Variants in FAM153A observed in about 807,000 individuals in gnomAD.
The protein encoded by FAM153A is family with sequence similarity 153 member A.
Under a neutral mutation model 48.1 loss-of-function variants are expected in FAM153A, and 12 were observed. That is an observed-to-expected ratio of 0.25 (90% CI 0.16 to 0.40). The LOEUF is 0.40. Among genes scored for constraint, FAM153A ranks in the 10% least tolerant of loss-of-function variants. The pLI, the probability that FAM153A is intolerant of heterozygous loss-of-function variation, is 1.00. For synonymous variants in FAM153A, 36 were observed against 118.2 expected, an observed-to-expected ratio of 0.30 and a Z score of 4.51; for missense variants, 111 against 345.8, an observed-to-expected ratio of 0.32 and a Z score of 5.38.
intron 25 of FAM153A, among the ~76,000 whole-genome samples, chr5:177,715,129 T>C (rs1364012614): frequency 6.7e-6 from 1 of 149,508 alleles, no homozygotes; most frequent in East Asian, 2.0e-4. Flanking sequence ...ACCTTCAAAG[T>C]CCACATAGAA....
chr5:177,761,378 C>T (rs1354297945), intron 1 of FAM153A, among the ~76,000 whole-genome samples: 1 of 151,838 alleles, frequency 6.6e-6, no homozygotes, highest in Non-Finnish European at 1.5e-5. Context: ...CTGTGAATGA[C>T]CTTGTGAGGG....
At chr5:177,757,686 T>C (rs1346288928), upstream of FAM153A, among the ~76,000 whole-genome samples, 6 of 151,568 alleles carry the variant, frequency 4.0e-5, no homozygotes, top group Middle Eastern at 3.4e-3. Context: ...CGCAAATCAA[T>C]AAACGTAATC....
upstream of FAM153A, among the ~76,000 whole-genome samples, chr5:177,755,211 G>A (rs571450620): frequency 9.2e-5 from 14 of 151,968 alleles, no homozygotes; most frequent in South Asian, 1.5e-3. Flanking sequence ...TAGTCGATTC[G>A]ATCAACTAGA....
upstream of FAM153A, among the ~76,000 whole-genome samples, chr5:177,757,357 T>TCCAGGA (rs1383227515): frequency 9.4e-6 from 1 of 105,974 alleles, no homozygotes; most frequent in East Asian, 2.5e-4. Flanking sequence ...CCAAAAAAAG[T>TCCAGGA]CCAGGACCAG....
At chr5:177,756,833 A>G (rs1157031557), upstream of FAM153A, among the ~76,000 whole-genome samples, 10 of 133,000 alleles carry the variant, frequency 7.5e-5, no homozygotes, top group Non-Finnish European at 1.5e-4. Flanking sequence ...ACACATTTAA[A>G]GCAGTGTGTT....
At position 177,746,861 on chromosome 5, in the gene FAM153A, G is replaced by T. The variant is rs535555331; in HGVS notation, c.259+908C>A. 4.3e-4 allele frequency among the ~76,000 whole-genome samples: 64 copies of T among 150,488 alleles called. 1 individual carries two copies. Among genetic ancestry groups the T allele is most frequent in the African/African-American group, 1.6e-3 (63 of 40,602 alleles). On this transcript the variant is annotated intron_variant, in intron 4 of 20. Transcript: ENST00000614127. ...TGGGTGCTGTGTCTTGGGTATGTGT[G>T]CTACTGAATTGGAGCATTTCTAACG... is the stretch of plus-strand genomic sequence containing the variant.
At chr5:177,717,099 T>C (rs1179131918) in intron 24 of FAM153A, 1 of 148,638 alleles carries the variant, frequency 6.7e-6, no homozygotes, top group Non-Finnish European at 1.5e-5. Flanking sequence ...CCAAAGAAAT[T>C]ATATTTTAAA....
chr5:177,737,918 G>A (rs1327256219), intron 10 of FAM153A, among the ~76,000 whole-genome samples: 1 of 151,668 alleles, frequency 6.6e-6, no homozygotes, highest in African/African-American at 2.4e-5. Flanking sequence ...TTTTAAAGAA[G>A]ACTAAACCAA....
At chr5:177,761,706 C>G (rs1367996101) in intron 1 of FAM153A, among the ~76,000 whole-genome samples, 1 of 102,472 alleles carries the variant, frequency 9.8e-6, no homozygotes, top group Non-Finnish European at 2.0e-5. Flanking sequence ...TCGCGTACTT[C>G]ATCAAAACCA....
At chr5:177,754,559 C>T (rs1387486412), upstream of FAM153A, among the ~76,000 whole-genome samples, 6 of 151,908 alleles carry the variant, frequency 3.9e-5, no homozygotes, top group African/African-American at 1.5e-4. Context: ...CCCTGACCCC[C>T]AAGTAGCCTA....
At chr5:177,771,695 A>G (rs1230068350) in intron 1 of FAM153A, among the ~76,000 whole-genome samples, 1 of 96,748 alleles carries the variant, frequency 1.0e-5, no homozygotes. Context: ...TGTTTATAGA[A>G]ACAATGCGGT....
In FAM153A at chr5:177,728,561, TTTTG is replaced by T. The variant is rs1350937998; in HGVS notation, c.964+458_964+461del. Among the ~76,000 whole-genome samples, 31 of 145,796 alleles carry T rather than the reference TTTTG, an allele frequency of 2.1e-4. 2 individuals carry two copies. The highest frequency in any genetic ancestry group is 8.1e-4 in the African/African-American group (31 of 38,208). On this transcript the variant is annotated intron_variant, in intron 18 of 20. Coordinates refer to ENST00000614127, the Ensembl canonical transcript of FAM153A. ...TCTTAGTTTGTTGGGGTGTTTTTTT[TTTTG>T]TTTGTTTTTGTTTTTTTTTTTGAGA...
At chr5:177,701,054 C>T in the FAM153A span, among the ~76,000 whole-genome samples, 36 of 151,734 alleles carry the variant, frequency 2.4e-4, no homozygotes, top group South Asian at 2.3e-3. Context: ...GTGGTGGTCT[C>T]GTGATAGTGA....
At chr5:177,699,921 C>T in the FAM153A span, among the ~76,000 whole-genome samples, 1 of 151,516 alleles carries the variant, frequency 6.6e-6, no homozygotes, top group Non-Finnish European at 1.5e-5. Context: ...AAACTACCAA[C>T]CAATATCTCC....
At chr5:177,708,615 C>T (rs1298792207), downstream of FAM153A, among the ~76,000 whole-genome samples, 2 of 151,960 alleles carry the variant, frequency 1.3e-5, no homozygotes, top group Non-Finnish European at 2.9e-5. Context: ...TCACATATGA[C>T]AGGCATTACC....
chr5:177,716,963 T>TTGTGTGTGTG (rs1561866290), intron 24 of FAM153A, among the ~76,000 whole-genome samples: 10 of 56,388 alleles, frequency 1.8e-4, no homozygotes, highest in African/African-American at 5.2e-4. Context: ...CATTCCCGCT[T>TTGTGTGTGTG]AGTGTGTGTG....
At chr5:177,696,697 T>A in the FAM153A span, among the ~76,000 whole-genome samples, 1 of 151,188 alleles carries the variant, frequency 6.6e-6, no homozygotes, top group South Asian at 2.1e-4. Context: ...TAGATAGTCT[T>A]GCTCTGTTGC....
At chr5:177,698,827 T>G in the FAM153A span, among the ~76,000 whole-genome samples, 14 of 151,794 alleles carry the variant, frequency 9.2e-5, no homozygotes, top group Non-Finnish European at 2.1e-4. Flanking sequence ...CTGGCTAATT[T>G]TTGTATTTTT....
intron 24 of FAM153A, chr5:177,717,129 T>C (rs938745381): frequency 6.1e-5 from 9 of 146,444 alleles, no homozygotes; most frequent in African/African-American, 2.3e-4. Flanking sequence ...AAAGGTAGAA[T>C]TTAAGAACAA....
Sources: allele counts gnomAD v4.1 joint callset (sites outside exome capture counted in the v4.1 genomes callset), GRCh38; gene constraint gnomAD v4.1.1; transcripts MANE v1.5; gene names NCBI Gene and HGNC (gene_info 2026-07-23, HGNC 2026-07-21).